ADAMTS17: variants seen among roughly 807,000 people sequenced by gnomAD.
ADAMTS17 encodes ADAM metallopeptidase with thrombospondin type 1 motif 17, also known as A disintegrin and metalloproteinase with thrombospondin motifs 17.
In ADAMTS17, 113 loss-of-function variants were observed where a neutral mutation model predicts 141.5. The ratio of observed to expected loss-of-function variants is 0.80; its 90% confidence interval spans 0.69 to 0.93. ADAMTS17 has a LOEUF of 0.93. Among genes scored for constraint, ADAMTS17 ranks in the 40% least tolerant of loss-of-function variants. The pLI is 0.00. For synonymous variants in ADAMTS17, 768 were observed against 630.6 expected (o/e 1.22, Z -3.27); for missense variants, 1,659 against 1,517.9 (o/e 1.09, Z -1.54).
chr15:100,020,072 G>A (rs952944547), intron 18 of ADAMTS17, among the ~76,000 whole-genome samples: 1 of 152,082 alleles, frequency 6.6e-6, no homozygotes, highest in Non-Finnish European at 1.5e-5. Context: ...GTACCCATCA[G>A]AAATAAACAC....
At chr15:100,051,476 G>A in intron 17 of ADAMTS17, 96 bp downstream of exon 17, 5 of 1,536,146 alleles carry the variant, frequency 3.3e-6, no homozygotes, top group Non-Finnish European at 2.7e-6. Flanking sequence ...GCTACAGGTT[G>A]CAGATGTCTC....
chr15:100,013,861 C>CTT (rs1256887710), intron 18 of ADAMTS17, among the ~76,000 whole-genome samples: 2 of 152,066 alleles, frequency 1.3e-5, no homozygotes, highest in Admixed American at 1.3e-4. Flanking sequence ...TGGTTATGTC[C>CTT]TTTCCTGGTT....
At chr15:100,155,082 G>T in intron 9 of ADAMTS17, 98 bp downstream of exon 9, 1 of 1,578,140 alleles carries the variant, frequency 6.3e-7, no homozygotes, top group Non-Finnish European at 8.7e-7. Context: ...CCAAAAGAGA[G>T]TCATTTCTCC....
chr15:100,316,174 G>A (rs984179408), intron 3 of ADAMTS17, among the ~76,000 whole-genome samples: 3 of 152,182 alleles, frequency 2.0e-5, no homozygotes, highest in African/African-American at 4.8e-5. Context: ...TGCATTGATG[G>A]AATCTGCCAC....
At position 99,993,350 on chromosome 15, in the gene ADAMTS17, C is replaced by T; in HGVS notation, c.2797-150G>A. The T allele has an allele frequency of 8.3e-7, 1 of 1,210,504 alleles. No individual in the cohort carries two copies. The highest frequency in any genetic ancestry group is 1.3e-5 in the South Asian group (1 of 77,664). The allele number at this position is 1,210,504 out of a possible 1,614,324, so 75.0% of individuals were successfully genotyped here. On this transcript the variant is annotated intron_variant, in intron 19 of 21. Transcript: ENST00000268070. The surrounding 1 kb of genome is among the most constrained non-coding windows in gnomAD (Gnocchi z 4.3). ...CTGTCCTCAAAAAGCTCCTGGTCTGCAGGGTCTTACGCACGTGGTCCCAGC... is the reference window on the plus strand; with the variant it reads ...CTGTCCTCAAAAAGCTCCTGGTCTGTAGGGTCTTACGCACGTGGTCCCAGC...
chr15:100,046,459 A>T (rs75191167), intron 18 of ADAMTS17, among the ~76,000 whole-genome samples: 1 of 152,178 alleles, frequency 6.6e-6, no homozygotes, highest in African/African-American at 2.4e-5. Flanking sequence ...GTTTCTGTGC[A>T]TAATTTTAAA....
rs193270261 is a variant in ADAMTS17 at position 100,006,487 on chromosome 15, C to A, written c.2592-8898G>T. Reference sequence around the variant, plus strand: ...ATGCCATCATCAGGGTCACACTTTTCTGACACAGTTATTTTATGTTGAATA... The same window carrying A: ...ATGCCATCATCAGGGTCACACTTTTATGACACAGTTATTTTATGTTGAATA... On this transcript the variant is annotated intron_variant, in intron 18 of 21. Transcript: ENST00000268070. Among the ~76,000 whole-genome samples, 219 of 152,328 alleles carry A rather than the reference C, an allele frequency of 1.4e-3. 2 individuals carry two copies. In the South Asian group the frequency reaches 0.033, roughly 23 times the overall value.
At chr15:100,196,510 G>A (rs562824880) in intron 8 of ADAMTS17, among the ~76,000 whole-genome samples, 7 of 152,334 alleles carry the variant, frequency 4.6e-5, no homozygotes, top group East Asian at 1.9e-4. Context: ...TAACGAACAG[G>A]AGAGCCACAC....
chr15:100,052,464 C>T (rs528260229), intron 16 of ADAMTS17, among the ~76,000 whole-genome samples: 2 of 152,320 alleles, frequency 1.3e-5, no homozygotes, highest in South Asian at 4.1e-4. Context: ...GTTGCTTTCT[C>T]CGAGTTTTGT....
chr15:100,337,431 T>C (rs2046240139), intron 2 of ADAMTS17, among the ~76,000 whole-genome samples: 1 of 152,170 alleles, frequency 6.6e-6, no homozygotes, highest in Non-Finnish European at 1.5e-5. Context: ...ACAGAAGAGC[T>C]ATGGTAGGAG....
chr15:100,288,810 A>G (rs2044533642), intron 3 of ADAMTS17, among the ~76,000 whole-genome samples: 1 of 152,244 alleles, frequency 6.6e-6, no homozygotes, highest in African/African-American at 2.4e-5. Context: ...AACTAATGAG[A>G]AAAAAGATAC....
rs376375133 is a variant in ADAMTS17 at position 100,341,949 on chromosome 15, G to A, written c.-50C>T. The A allele has an allele frequency of 8.0e-5, 124 of 1,542,788 alleles. 1 individual carries two copies. The highest frequency in any genetic ancestry group is 7.4e-4 in the East Asian group (30 of 40,714). On this transcript the variant is annotated 5_prime_UTR_variant, in exon 1 of 22. Coordinates refer to ENST00000268070, the MANE Select transcript of ADAMTS17 (RefSeq NM_139057.4). The stretch of plus-strand genomic sequence containing the variant: ...CGGACCGTGGCGGCGAAGCAGGAGC[G>A]CGCTAGGCGGCGGCGCCAGCCGGAG...
chr15:100,160,494 T>C (rs2039640706), intron 8 of ADAMTS17, among the ~76,000 whole-genome samples: 1 of 152,178 alleles, frequency 6.6e-6, no homozygotes, highest in Non-Finnish European at 1.5e-5. Context: ...GTAGACAACT[T>C]GGTTATCAAA....
chr15:100,051,817 G>A (rs995445153), intron 16 of ADAMTS17, 86 bp from the exon 17 acceptor site: 105 of 1,552,544 alleles, frequency 6.8e-5, no homozygotes, highest in Middle Eastern at 1.7e-4. Flanking sequence ...GGCACACTGC[G>A]GCTGTTTCTT....
At chr15:100,069,889 A>G (rs2033843993) in intron 15 of ADAMTS17, among the ~76,000 whole-genome samples, 1 of 150,374 alleles carries the variant, frequency 6.7e-6, no homozygotes, top group African/African-American at 2.5e-5. Flanking sequence ...ATTCACATAT[A>G]ACAATATTAA....
intron 16 of ADAMTS17, among the ~76,000 whole-genome samples, chr15:100,053,102 T>G (rs1279269273): frequency 1.3e-5 from 2 of 152,146 alleles, no homozygotes; most frequent in African/African-American, 4.8e-5. Flanking sequence ...ACAAAGCGTG[T>G]TTTGATTACA....
At chr15:100,226,796 G>T (rs4246309) in intron 7 of ADAMTS17, among the ~76,000 whole-genome samples, 86,002 of 151,910 alleles carry the variant, frequency 0.57, 24,592 homozygotes, top group South Asian at 0.64. Context: ...AAATAAGTGA[G>T]AATTCATTGG....
Position 100,252,549 on chromosome 15 carries a change from C to T in ADAMTS17, c.1075+1587G>A, listed in dbSNP as rs904458841. ...ATGGGTACTGTGGCCAAGCCTGACCCGTGAACCCCAGGAAAGAGCAGCCAC... is the reference window on the plus strand; with the variant it reads ...ATGGGTACTGTGGCCAAGCCTGACCTGTGAACCCCAGGAAAGAGCAGCCAC... On this transcript the variant is annotated intron_variant, in intron 7 of 21. Coordinates refer to ENST00000268070, the MANE Select transcript of ADAMTS17 (RefSeq NM_139057.4). Among the ~76,000 whole-genome samples, 11 of 152,308 alleles carry T rather than the reference C, an allele frequency of 7.2e-5. No homozygotes were observed. In the South Asian group the frequency reaches 1.5e-3, roughly 20 times the overall value.
intron 12 of ADAMTS17, among the ~76,000 whole-genome samples, chr15:100,118,606 T>C (rs13380082): frequency 0.033 from 4,954 of 152,266 alleles, 263 homozygotes; most frequent in African/African-American, 0.11. Flanking sequence ...GAGAAATGAC[T>C]GCATGGTGTG....
Sources: gnomAD v4.1 joint callset for allele counts (sites outside exome capture counted in the v4.1 genomes callset) on GRCh38, gnomAD v4.1.1 for gene constraint, Gnocchi (gnomAD v3.1) non-coding constraint, MANE v1.5 for transcripts, NCBI Gene and HGNC (gene_info 2026-07-23, HGNC 2026-07-21) for gene names.